Variants in ERBB4 observed in about 807,000 individuals in gnomAD.
The protein encoded by ERBB4 is erb-b2 receptor tyrosine kinase 4.
A neutral mutation model predicts 158.0 loss-of-function variants in ERBB4; 42 were observed. That is an observed-to-expected ratio of 0.27 (90% CI 0.21 to 0.34). ERBB4 has a LOEUF of 0.34. Among genes scored for constraint, ERBB4 ranks in the 10% least tolerant of loss-of-function variants. The pLI is 1.00. For missense variants in ERBB4, 1,333 were observed against 1,624.1 expected, an observed-to-expected ratio of 0.82 and a Z score of 3.08; for synonymous variants, 583 against 558.7, an observed-to-expected ratio of 1.04 and a Z score of -0.61.
At chr2:212,339,376 G>T (rs1482023366) in intron 1 of ERBB4, among the ~76,000 whole-genome samples, 1 of 152,148 alleles carries the variant, frequency 6.6e-6, no homozygotes, top group African/African-American at 2.4e-5. Context: ...AATAAACTAA[G>T]AATGTTTTAA....
At chr2:211,521,990 T>C (rs2066198531) in intron 20 of ERBB4, among the ~76,000 whole-genome samples, 1 of 152,150 alleles carries the variant, frequency 6.6e-6, no homozygotes. Flanking sequence ...GACAAAAATG[T>C]ACAAGAAGAA....
intron 1 of ERBB4, among the ~76,000 whole-genome samples, chr2:212,225,548 C>T (rs534094905): frequency 4.0e-5 from 6 of 151,758 alleles, no homozygotes; most frequent in Non-Finnish European, 8.8e-5. Context: ...TTTTGTCATT[C>T]GGCATGAGAA....
intron 2 of ERBB4, among the ~76,000 whole-genome samples, chr2:211,996,980 C>A (rs1383296952): frequency 6.6e-6 from 1 of 152,156 alleles, no homozygotes; most frequent in East Asian, 1.9e-4. Context: ...ACGATGAGGA[C>A]TAAAGGTTTG....
chr2:211,754,890 G>A lies in ERBB4; in HGVS notation c.557-4186C>T, dbSNP rs569162728. On this transcript the variant is annotated intron_variant, in intron 4 of 27. Transcript: ENST00000342788. ...AATTTTTGTGTTTTTTAGTAGAGAC[G>A]GGGTTTCACCCTGTTGGCCAGGCTG... 7.9e-5 allele frequency among the ~76,000 whole-genome samples: 12 copies of A among 152,088 alleles called. No individual in the cohort carries two copies. In the South Asian group the frequency reaches 2.3e-3, roughly 29 times the overall value.
chr2:211,970,013 T>G (rs893526017), intron 2 of ERBB4, among the ~76,000 whole-genome samples: 31 of 152,252 alleles, frequency 2.0e-4, no homozygotes, highest in African/African-American at 7.0e-4. Context: ...CTTTCTAACT[T>G]TTTGATGTGG....
chr2:211,808,173 T>C (rs1487634293), intron 3 of ERBB4, among the ~76,000 whole-genome samples: 2 of 152,188 alleles, frequency 1.3e-5, no homozygotes, highest in Non-Finnish European at 2.9e-5. Context: ...GCCATTGTTT[T>C]TGGTGTTTTA....
At position 211,379,125 on chromosome 2, in the gene ERBB4, CTTTG is replaced by C. The variant is rs1228318852; in HGVS notation, c.*4486_*4489del. ...TTTATTTATCAGAAAAATTGTGATT[CTTTG>C]TTGTCATTTTTGGAGGCAAGAGGGC... On this transcript the variant is annotated 3_prime_UTR_variant, in exon 28 of 28. Coordinates refer to ENST00000342788, the MANE Select transcript of ERBB4 (RefSeq NM_005235.3). 5.6e-5 allele frequency: 13 copies of C among 230,120 alleles called. No individual in the cohort carries two copies. Among genetic ancestry groups the C allele is most frequent in the Non-Finnish European group, 3.4e-5 (4 of 116,388 alleles). The allele number at this position is 230,120 out of a possible 1,614,324, so 14.3% of individuals were successfully genotyped here. A position where few individuals can be genotyped will look rare whatever the true frequency, so the allele number is the denominator to read the frequency against.
At chr2:212,388,054 C>T (rs1461085295) in intron 1 of ERBB4, among the ~76,000 whole-genome samples, 1 of 151,756 alleles carries the variant, frequency 6.6e-6, no homozygotes, top group Non-Finnish European at 1.5e-5. Context: ...TTGAATATGC[C>T]GTTAGAGAGA....
intron 19 of ERBB4, among the ~76,000 whole-genome samples, chr2:211,612,411 ATAT>A (rs1041696335): frequency 6.6e-6 from 1 of 151,716 alleles, no homozygotes; most frequent in African/African-American, 2.4e-5. Context: ...AAGATAAATA[ATAT>A]TAATATATAA....
chr2:212,381,298 A>G (rs917239784), intron 1 of ERBB4, among the ~76,000 whole-genome samples: 1 of 151,260 alleles, frequency 6.6e-6, no homozygotes, highest in African/African-American at 2.4e-5. Flanking sequence ...TACCTAAATG[A>G]TTAAGTAACC....
intron 2 of ERBB4, among the ~76,000 whole-genome samples, chr2:211,956,533 T>C (rs2081038573): frequency 6.6e-6 from 1 of 152,080 alleles, no homozygotes; most frequent in Non-Finnish European, 1.5e-5. Context: ...TTATTGACCT[T>C]GCGCAAATTA....
intron 2 of ERBB4, 36 bp from the exon 3 acceptor site, chr2:211,947,652 C>T (rs368579881): frequency 6.0e-5 from 94 of 1,578,496 alleles, no homozygotes; most frequent in Non-Finnish European, 6.5e-5. Context: ...TGTTATAAAA[C>T]GAATTTGTCA....
intron 1 of ERBB4, among the ~76,000 whole-genome samples, chr2:212,448,638 A>G (rs2092399581): frequency 6.6e-6 from 1 of 152,140 alleles, no homozygotes. Context: ...CATAAACATC[A>G]GGCATGGAGA....
chr2:211,846,015 C>T (rs2077578700), intron 3 of ERBB4, among the ~76,000 whole-genome samples: 1 of 150,034 alleles, frequency 6.7e-6, no homozygotes, highest in Non-Finnish European at 1.5e-5. Context: ...ATAAGCATAA[C>T]TGACAATTTT....
intron 3 of ERBB4, among the ~76,000 whole-genome samples, chr2:211,816,963 G>A (rs1212519652): frequency 6.6e-6 from 1 of 152,112 alleles, no homozygotes; most frequent in Non-Finnish European, 1.5e-5. Context: ...AAAAATCCCA[G>A]GGCACCTTTC....
chr2:212,490,433 T>C (rs1272908798), intron 1 of ERBB4, among the ~76,000 whole-genome samples: 2 of 151,812 alleles, frequency 1.3e-5, no homozygotes, highest in African/African-American at 4.8e-5. Context: ...CTAGTTCTTT[T>C]CCCCTTGTAT....
At chr2:212,290,277 TGTAA>T (rs1299503185) in intron 1 of ERBB4, among the ~76,000 whole-genome samples, 1 of 152,176 alleles carries the variant, frequency 6.6e-6, no homozygotes, top group East Asian at 1.9e-4. Flanking sequence ...AAGCCACCAC[TGTAA>T]GTCTGACCAG....
chr2:211,755,491 A>T (rs947646021), intron 4 of ERBB4, among the ~76,000 whole-genome samples: 1 of 152,132 alleles, frequency 6.6e-6, no homozygotes, highest in African/African-American at 2.4e-5. Flanking sequence ...GACGGATCAG[A>T]CCCTGTCTCA....
intron 3 of ERBB4, among the ~76,000 whole-genome samples, chr2:211,917,938 C>A (rs1214257478): frequency 6.6e-6 from 1 of 152,094 alleles, no homozygotes; most frequent in Non-Finnish European, 1.5e-5. Flanking sequence ...ACTTAAGAGT[C>A]CACTGGGGGA....
Sources: allele counts gnomAD v4.1 joint callset (sites outside exome capture counted in the v4.1 genomes callset), GRCh38; gene constraint gnomAD v4.1.1; transcripts MANE v1.5; gene names NCBI Gene and HGNC (gene_info 2026-07-23, HGNC 2026-07-21).